The following SMC6 variants were observed in gnomAD, a reference collection of about 807,000 sequenced individuals.
SMC6 encodes the protein structural maintenance of chromosomes 6.
Under a neutral mutation model 142.2 loss-of-function variants are expected in SMC6, and 79 were observed. That is an observed-to-expected ratio of 0.56 (90% CI 0.46 to 0.67). The LOEUF (loss-of-function observed/expected upper bound fraction) is 0.67. SMC6 is among the 30% of genes least tolerant of loss of function. The probability of loss-of-function intolerance (pLI) is 0.00; values close to 1 mark genes in which losing one functional copy is unlikely to be tolerated. For synonymous variants in SMC6, 411 were observed against 412.4 expected, an observed-to-expected ratio of 1.00 and a Z score of 0.04; for missense variants, 1,072 against 1,284.0, an observed-to-expected ratio of 0.83 and a Z score of 2.52.
At chr2:17,667,742 C>T (rs927300510) in intron 26 of SMC6, among the ~76,000 whole-genome samples, 3 of 152,138 alleles carry the variant, frequency 2.0e-5, no homozygotes, top group African/African-American at 7.2e-5. Flanking sequence ...CCCAGCTACT[C>T]AGGTGGCTGA....
At chr2:17,706,494 T>C (rs1484730204) in intron 18 of SMC6, among the ~76,000 whole-genome samples, 2 of 148,292 alleles carry the variant, frequency 1.3e-5, no homozygotes, top group Admixed American at 1.3e-4. Context: ...CCCCTACACA[T>C]ACAAGTCATT....
At chr2:17,718,588 A>G (rs1669223219) in intron 11 of SMC6, among the ~76,000 whole-genome samples, 1 of 152,214 alleles carries the variant, frequency 6.6e-6, no homozygotes, top group South Asian at 2.1e-4. Context: ...AGAGAAACAA[A>G]CCAGAGGTTG....
chr2:17,731,024 C>CT, intron 7 of SMC6, 54 bp downstream of exon 7: 1 of 1,416,530 alleles, frequency 7.1e-7, no homozygotes, highest in East Asian at 2.3e-5. Context: ...TGAAATCGCA[C>CT]TAAAAAAATG....
At chr2:17,692,254 C>A (rs1667767943) in intron 23 of SMC6, among the ~76,000 whole-genome samples, 4 of 152,296 alleles carry the variant, frequency 2.6e-5, no homozygotes, top group Middle Eastern at 6.8e-3. Flanking sequence ...CCAAGTCAAT[C>A]CTAAGCCAAA....
intron 13 of SMC6, 34 bp downstream of exon 13, chr2:17,717,054 G>A: frequency 6.3e-7 from 1 of 1,583,234 alleles, no homozygotes; most frequent in Non-Finnish European, 8.6e-7. Context: ...TACAAAATGG[G>A]ATAGCCATGA....
rs1208486824 is a variant in SMC6, at chr2:17,678,868, T to TA, written c.2900dup (p.Ser968LysfsTer11). On this transcript the variant is annotated frameshift_variant, in exon 25 of 28. Transcript: ENST00000448223. LOFTEE classifies it high-confidence loss of function. ...GAATTAGGATACTTACTGATATACT[T>TA]AGAGTTTCATTCTTGTGGTCAAAAT... 4.4e-6 allele frequency: 7 copies of TA among 1,596,286 alleles called. No homozygotes were observed. Among genetic ancestry groups the TA allele is most frequent in the African/African-American group, 1.3e-5 (1 of 74,502 alleles).
intron 7 of SMC6, among the ~76,000 whole-genome samples, chr2:17,729,289 T>C (rs911730343): frequency 6.6e-6 from 1 of 152,220 alleles, no homozygotes; most frequent in Non-Finnish European, 1.5e-5. Flanking sequence ...CTCTAGACTT[T>C]CTGCATTTTA....
chr2:17,670,664 T>G (rs1015175621), intron 25 of SMC6, 89 bp from the exon 26 acceptor site: 2 of 1,284,622 alleles, frequency 1.6e-6, no homozygotes, highest in African/African-American at 3.1e-5. Context: ...ATAATAGATT[T>G]ACAGTAAAAA....
At chr2:17,677,305 C>T (rs1667036336) in intron 25 of SMC6, among the ~76,000 whole-genome samples, 1 of 152,150 alleles carries the variant, frequency 6.6e-6, no homozygotes, top group South Asian at 2.1e-4. Flanking sequence ...GCTTAAATTG[C>T]AACTTTCCTA....
intron 11 of SMC6, 136 bp downstream of exon 11, chr2:17,720,804 T>C: frequency 1.4e-6 from 1 of 728,630 alleles, no homozygotes; most frequent in Non-Finnish European, 2.2e-6. Context: ...CTTAGGTCTA[T>C]TTCACCTAAG....
intron 8 of SMC6, among the ~76,000 whole-genome samples, chr2:17,726,087 TAAAAAAAAAAA>T (rs35471536): frequency 1.8e-5 from 1 of 54,942 alleles, no homozygotes; most frequent in African/African-American, 9.1e-5. Flanking sequence ...GGCTCTGTCT[TAAAAAAAAAAA>T]AAAAAAAAAA....
rs1472427877 is a variant in SMC6, at chr2:17,683,661, G to A, written c.2781C>T (p.Phe927=). The change falls in exon 24 of 28, where the codon TTC becomes TTT. Residue 927 remains phenylalanine (F), a synonymous_variant. Transcript: ENST00000448223. ...ACCTTCTAAATTGTTGATATGTCTTGAATCTGTGCTCCATGATTTCTCCCA... is the reference window on the plus strand; with the variant it reads ...ACCTTCTAAATTGTTGATATGTCTTAAATCTGTGCTCCATGATTTCTCCCA... ...KLLGEIMEHR[F]KTYQQFRRCL... 14 of 1,611,702 alleles carry A rather than the reference G, an allele frequency of 8.7e-6. No individual in the cohort carries two copies. The highest frequency in any genetic ancestry group is 1.1e-5 in the Non-Finnish European group (13 of 1,178,216).
chr2:17,686,100 G>A (rs915739380), intron 23 of SMC6, among the ~76,000 whole-genome samples: 2 of 152,080 alleles, frequency 1.3e-5, no homozygotes, highest in African/African-American at 4.8e-5. Flanking sequence ...ATTACAAAGC[G>A]TAACTATACA....
In SMC6 at chr2:17,683,777, A is replaced by C. The variant is rs1667331927; in HGVS notation, c.2679-14T>G. On this transcript the variant is annotated splice_polypyrimidine_tract_variant and intron_variant, in intron 23 of 27. Coordinates refer to ENST00000448223, the MANE Select transcript of SMC6 (RefSeq NM_001142286.2). The stretch of plus-strand genomic sequence containing the variant: ...TCTTGGTACTGCCTATTATATAAAC[A>C]AAATATTACGTAAAAAATACACCAC... 1 of 1,600,972 alleles carries C rather than the reference A, an allele frequency of 6.2e-7. No homozygotes were observed. The highest frequency in any genetic ancestry group is 8.5e-7 in the Non-Finnish European group (1 of 1,172,432).
intron 18 of SMC6, among the ~76,000 whole-genome samples, chr2:17,704,347 A>C (rs1046015351): frequency 1.3e-5 from 2 of 152,240 alleles, no homozygotes; most frequent in Non-Finnish European, 2.9e-5. Context: ...TAAACGCAAC[A>C]AATGTGTGAG....
intron 2 of SMC6, among the ~76,000 whole-genome samples, chr2:17,748,255 A>C (rs1321742235): frequency 6.6e-6 from 1 of 152,242 alleles, no homozygotes; most frequent in Non-Finnish European, 1.5e-5. Flanking sequence ...ACCCTAGAGC[A>C]AGTGAATCAG....
At chr2:17,717,502 T>C (rs535001202) in intron 12 of SMC6, among the ~76,000 whole-genome samples, 1 of 152,188 alleles carries the variant, frequency 6.6e-6, no homozygotes, top group African/African-American at 2.4e-5. Context: ...AAACCCCGTC[T>C]CTACTAAAAA....
intron 21 of SMC6, 39 bp downstream of exon 21, chr2:17,700,169 C>A: frequency 7.0e-7 from 1 of 1,425,416 alleles, no homozygotes; most frequent in Non-Finnish European, 9.5e-7. Flanking sequence ...AAAACTAAAA[C>A]ATAAAATACA....
chr2:17,671,601 C>G (rs1666765267), intron 25 of SMC6, among the ~76,000 whole-genome samples: 1 of 85,818 alleles, frequency 1.2e-5, no homozygotes. Context: ...AGAGCGAGAC[C>G]CCGTCTCAAA....
Sources: allele counts gnomAD v4.1 joint callset (sites outside exome capture counted in the v4.1 genomes callset), GRCh38; gene constraint gnomAD v4.1.1; transcripts MANE v1.5; gene names NCBI Gene and HGNC (gene_info 2026-07-23, HGNC 2026-07-21).